BTBD16: variants seen among roughly 807,000 people sequenced by gnomAD.
BTBD16 encodes the protein BTB/POZ domain-containing protein 16.
In BTBD16, 66 loss-of-function variants were observed where a neutral mutation model predicts 67.4. The observed-to-expected ratio is 0.98, with a 90% CI of 0.80 to 1.20. The LOEUF (loss-of-function observed/expected upper bound fraction) is 1.20, where lower values mean the gene tolerates loss of function less well. Among genes scored for constraint, BTBD16 ranks in the 50% most tolerant of loss-of-function variants. The pLI, the probability that BTBD16 is intolerant of heterozygous loss-of-function variation, is 0.00. For synonymous variants in BTBD16, 242 were observed against 236.4 expected (o/e 1.02, Z -0.22); for missense variants, 634 against 616.0 (o/e 1.03, Z -0.31).
intron 5 of BTBD16, among the ~76,000 whole-genome samples, chr10:122,288,161 C>T (rs566180544): frequency 6.6e-6 from 1 of 152,286 alleles, no homozygotes; most frequent in Admixed American, 6.5e-5. Context: ...AATATTGTGA[C>T]ACATTGTAAT....
intron 10 of BTBD16, among the ~76,000 whole-genome samples, chr10:122,312,107 G>A (rs1490258793): frequency 6.6e-6 from 1 of 152,104 alleles, no homozygotes; most frequent in Non-Finnish European, 1.5e-5. Context: ...ATAATTATGT[G>A]CTTCTATTGG....
At chr10:122,287,468 C>T in intron 5 of BTBD16, 6 of 985,456 alleles carry the variant, frequency 6.1e-6, no homozygotes, top group Non-Finnish European at 7.2e-6. Context: ...CTGCTAGAGG[C>T]TACGCCTGGC....
chr10:122,276,800 C>T lies in BTBD16; in HGVS notation c.28C>T (p.Arg10Trp), dbSNP rs939704509. 48 of 1,614,014 alleles carry T rather than the reference C, an allele frequency of 3.0e-5. No homozygotes were observed. Among genetic ancestry groups the T allele is most frequent in the Middle Eastern group, 1.6e-4 (1 of 6,084 alleles). The change falls in exon 3 of 16, where the codon CGG becomes TGG. Residue 10 changes from arginine (R) to tryptophan (W), a missense_variant. Arg to Trp is a moderately radical substitution (Grantham distance 101). Transcript: ENST00000260723. ...TTTGATTACCAAGCAGCACAAAGCT[C>T]GGCTGGAACGCCGGGTCACTGGCTC... MIMSNTHKA[R>W]LERRVTGSTN...
At chr10:122,287,511 TC>T (rs2096366158) in intron 5 of BTBD16, 2 of 984,020 alleles carry the variant, frequency 2.0e-6, no homozygotes, top group Non-Finnish European at 2.4e-6. Context: ...AGAGATGAAA[TC>T]CCAGTGCCCT....
chr10:122,333,575 G>C (rs1456294963), intron 13 of BTBD16, among the ~76,000 whole-genome samples: 1 of 152,150 alleles, frequency 6.6e-6, no homozygotes, highest in East Asian at 1.9e-4. Flanking sequence ...ATTGCAGCCA[G>C]GGCATGGTGA....
rs139903209 is a variant in BTBD16, at chr10:122,290,033, A to G, written c.475+35A>G. 1.2e-5 allele frequency: 16 copies of G among 1,384,448 alleles called. No homozygotes were observed. In the East Asian group the frequency reaches 3.7e-4, roughly 32 times the overall value. 85.8% of individuals were successfully genotyped at this position (1,384,448 alleles called of 1,614,324 possible). ...TACCCGTCTATATTCTGAGAATGCC[A>G]TTGAACAAATGGTCCTCCCAGATTT... is the stretch of plus-strand genomic sequence containing the variant. On this transcript the variant is annotated intron_variant, in intron 6 of 15. Transcript: ENST00000260723.
chr10:122,332,368 GA>G (rs2096456520), intron 12 of BTBD16, 67 bp from the exon 13 acceptor site: 7 of 1,479,044 alleles, frequency 4.7e-6, no homozygotes, highest in South Asian at 3.6e-5. Flanking sequence ...GAAGAGGCAT[GA>G]AGATGAAGAG....
At position 122,283,924 on chromosome 10, in the gene BTBD16, G is replaced by A. The variant is rs1333746128; in HGVS notation, c.241G>A (p.Asp81Asn). The change falls in exon 4 of 16, where the codon GAT becomes AAT. Residue 81 changes from aspartate to asparagine, a missense_variant and splice_region_variant. Transcript: ENST00000260723. ...CAAGGACATCCAAAGTGGGGAAGCA[G>A]GTGAGTTTGTGTTATCCATGGATTA... ...KNKDIQSGEA[D>N]VILECLGFKW... The A allele has an allele frequency of 1.9e-6, 3 of 1,612,130 alleles. No homozygotes were observed. Among genetic ancestry groups the A allele is most frequent in the Non-Finnish European group, 2.5e-6 (3 of 1,178,338 alleles).
intron 10 of BTBD16, among the ~76,000 whole-genome samples, chr10:122,313,002 G>A (rs1289282402): frequency 6.6e-6 from 1 of 152,052 alleles, no homozygotes; most frequent in East Asian, 1.9e-4. Flanking sequence ...TCAGCCTCCT[G>A]AGTAGCTGGG....
intron 7 of BTBD16, among the ~76,000 whole-genome samples, chr10:122,294,945 G>A (rs1199127717): frequency 6.6e-6 from 1 of 152,256 alleles, no homozygotes; most frequent in Non-Finnish European, 1.5e-5. Flanking sequence ...AAAGGCTCCT[G>A]GACCCGATGA....
chr10:122,296,958 G>A (rs9633732), intron 7 of BTBD16, among the ~76,000 whole-genome samples: 4 of 152,044 alleles, frequency 2.6e-5, no homozygotes, highest in Admixed American at 6.5e-5. Context: ...TGCTGTTTCC[G>A]CTTCTTGGAA....
At chr10:122,323,375 A>G (rs995651592) in intron 10 of BTBD16, among the ~76,000 whole-genome samples, 1 of 152,324 alleles carries the variant, frequency 6.6e-6, no homozygotes, top group South Asian at 2.1e-4. Context: ...CTCAGGGCCT[A>G]GGGATGACTC....
At chr10:122,305,681 A>G (rs1210159265) in intron 9 of BTBD16, among the ~76,000 whole-genome samples, 1 of 152,188 alleles carries the variant, frequency 6.6e-6, no homozygotes, top group Non-Finnish European at 1.5e-5. Flanking sequence ...TCTTTGTAGC[A>G]ATTCAACAAC....
At chr10:122,282,163 A>G (rs8181295) in intron 3 of BTBD16, among the ~76,000 whole-genome samples, 36,124 of 152,086 alleles carry the variant, frequency 0.24, 4,479 homozygotes, top group East Asian at 0.42. Context: ...TGTTTGTGAG[A>G]GTAGTTGAGT....
chr10:122,295,234 G>C (rs561630284), intron 7 of BTBD16: 42 of 877,752 alleles, frequency 4.8e-5, no homozygotes, highest in Non-Finnish European at 5.6e-5. Context: ...AGTATGTGGG[G>C]AGGAGCAATC....
At chr10:122,324,716 G>T (rs2096441384) in intron 10 of BTBD16, among the ~76,000 whole-genome samples, 1 of 152,178 alleles carries the variant, frequency 6.6e-6, no homozygotes, top group Non-Finnish European at 1.5e-5. Flanking sequence ...GCTCTGAGAG[G>T]TGATGACTCT....
intron 8 of BTBD16, among the ~76,000 whole-genome samples, chr10:122,298,503 C>T (rs995935869): frequency 1.3e-5 from 2 of 152,224 alleles, no homozygotes; most frequent in Non-Finnish European, 2.9e-5. Flanking sequence ...CTGAAGCTCT[C>T]TCAAGGTCCC....
At chr10:122,326,492 T>A (rs56967898) in intron 10 of BTBD16, among the ~76,000 whole-genome samples, 6,306 of 152,270 alleles carry the variant, frequency 0.041, 414 homozygotes, top group African/African-American at 0.14. Flanking sequence ...CATATATGTA[T>A]GTTAAGGCTA....
At chr10:122,330,605 T>A (rs1045065066) in intron 11 of BTBD16, among the ~76,000 whole-genome samples, 2 of 152,226 alleles carry the variant, frequency 1.3e-5, no homozygotes, top group African/African-American at 2.4e-5. Context: ...ACACTTAAAT[T>A]GTACATTAAT....
Sources: gnomAD v4.1 joint callset for allele counts (sites outside exome capture counted in the v4.1 genomes callset) on GRCh38, gnomAD v4.1.1 for gene constraint, MANE v1.5 for transcripts, NCBI Gene and HGNC (gene_info 2026-07-23, HGNC 2026-07-21) for gene names.